The following PRSS41 variants were observed in gnomAD, a reference collection of about 807,000 sequenced individuals.
PRSS41 encodes protease, serine 41.
In PRSS41, 37 loss-of-function variants were observed where a neutral mutation model predicts 28.8. The observed-to-expected ratio is 1.29, with a 90% CI of 0.99 to 1.69. PRSS41 has a LOEUF of 1.69. Among genes scored for constraint, PRSS41 ranks in the 40% most tolerant of loss-of-function variants. PRSS41 has a pLI of 0.00. For synonymous variants in PRSS41, 195 were observed against 163.1 expected, an observed-to-expected ratio of 1.20 and a Z score of -1.49; for missense variants, 431 against 400.7, an observed-to-expected ratio of 1.08 and a Z score of -0.65.
At chr16:2,802,421 C>T (rs1246750913) in intron 4 of PRSS41, among the ~76,000 whole-genome samples, 1 of 151,668 alleles carries the variant, frequency 6.6e-6, no homozygotes, top group Non-Finnish European at 1.5e-5. Flanking sequence ...CAGAGGGGCT[C>T]CTCACATCCC....
rs1483245757 is a variant in PRSS41 at position 2,798,976 on chromosome 16, G to T, written c.109G>T (p.Glu37Ter). 3 of 1,532,558 alleles carry T rather than the reference G, an allele frequency of 2.0e-6. No homozygotes were observed. Among genetic ancestry groups the T allele is most frequent in the African/African-American group, 1.4e-5 (1 of 72,876 alleles). The allele number at this position is 1,532,558 out of a possible 1,614,324, so 94.9% of individuals were successfully genotyped here. A position where few individuals can be genotyped will look rare whatever the true frequency, so the allele number is the denominator to read the frequency against. ...CATCCCAGAGGCCTGCGGCCACCGG[G>T]AAATTCACGCGCTGGTGGCGGGCGG... The change falls in exon 3 of 6, where the codon GAA becomes TAA. Residue 37 changes from glutamate (E) to a stop codon, truncating the protein, a stop_gained. Coordinates refer to ENST00000399677, the Ensembl canonical transcript of PRSS41. LOFTEE classifies it high-confidence loss of function.
exon 4 of PRSS41, chr16:2,799,521 C>T (rs1196201478): frequency 3.2e-6 from 5 of 1,551,862 alleles, no homozygotes; most frequent in Admixed American, 3.9e-5. Context: ...CTTCGTGCAC[C>T]GGCCGGACTG....
intron 4 of PRSS41, among the ~76,000 whole-genome samples, chr16:2,800,542 C>CAAAAAA (rs56393015): frequency 1.2e-5 from 1 of 81,942 alleles, no homozygotes; most frequent in Non-Finnish European, 2.7e-5. Context: ...GACTCCATCT[C>CAAAAAA]AAAAAAAAAA....
At chr16:2,804,458 A>G in exon 5 of PRSS41, 1 of 1,551,552 alleles carries the variant, frequency 6.4e-7, no homozygotes, top group Non-Finnish European at 8.7e-7. Flanking sequence ...AGGTGTAATT[A>G]CCTGTTTGAA....
chr16:2,801,472 G>T (rs1444238849), intron 4 of PRSS41, among the ~76,000 whole-genome samples: 1 of 150,852 alleles, frequency 6.6e-6, no homozygotes, highest in Non-Finnish European at 1.5e-5. Flanking sequence ...GTTTTCCTAG[G>T]CAGAGGACCC....
At chr16:2,804,723 T>C (rs771238944) in intron 5 of PRSS41, among the ~76,000 whole-genome samples, 177 bp downstream of exon 5, 8 of 152,340 alleles carry the variant, frequency 5.3e-5, no homozygotes, top group South Asian at 4.1e-4. Context: ...AAATTCTGCC[T>C]ACACTGATTA....
chr16:2,803,886 T>C (rs1421612751), intron 4 of PRSS41, among the ~76,000 whole-genome samples: 2 of 152,232 alleles, frequency 1.3e-5, no homozygotes, highest in South Asian at 2.1e-4. Context: ...TCCATGTTCA[T>C]AAGACTCTCC....
chr16:2,802,730 G>C (rs1433783237), intron 4 of PRSS41, among the ~76,000 whole-genome samples: 4 of 152,236 alleles, frequency 2.6e-5, no homozygotes, highest in Non-Finnish European at 4.4e-5. Flanking sequence ...AACCAGTCAG[G>C]CATGGCGGCG....
At chr16:2,799,148 C>T (rs1266682706) in intron 3 of PRSS41, 24 bp downstream of exon 3, 2 of 1,506,738 alleles carry the variant, frequency 1.3e-6, no homozygotes, top group East Asian at 2.5e-5. Flanking sequence ...GCGGCCGGGG[C>T]CTCAGACTTG....
In PRSS41 at chr16:2,802,004, T is replaced by C. The variant is rs1706106065; in HGVS notation, c.542-2385T>C. Among the ~76,000 whole-genome samples, 5 of 146,818 alleles carry C rather than the reference T, an allele frequency of 3.4e-5. No individual in the cohort carries two copies. In the South Asian group the frequency reaches 1.1e-3, roughly 31 times the overall value. Reference sequence around the variant, plus strand: ...CCACCTCCCTCCCGGACGGGGCGGCTGGCCGGGCGTGGGGCTGACCCCCCC... The same window carrying C: ...CCACCTCCCTCCCGGACGGGGCGGCCGGCCGGGCGTGGGGCTGACCCCCCC... On this transcript the variant is annotated intron_variant, in intron 4 of 5. Coordinates refer to ENST00000399677, the Ensembl canonical transcript of PRSS41.
exon 1 of PRSS41, chr16:2,798,501 C>A: frequency 7.6e-7 from 1 of 1,307,598 alleles, no homozygotes; most frequent in Non-Finnish European, 1.1e-6. Flanking sequence ...GCGCGCGGGG[C>A]GCTGCTGCTG....
chr16:2,801,950 G>A (rs1216986368), intron 4 of PRSS41, among the ~76,000 whole-genome samples: 4 of 148,148 alleles, frequency 2.7e-5, no homozygotes, highest in East Asian at 2.1e-4. Context: ...CCCGGACGGG[G>A]CGGCTGGCCG....
chr16:2,798,907 T>TGC, intron 2 of PRSS41, 52 bp from the exon 3 acceptor site: 1 of 1,431,094 alleles, frequency 7.0e-7, no homozygotes, highest in Non-Finnish European at 9.3e-7. Context: ...AGGGCGGGCC[T>TGC]GCCCACCCCA....
At chr16:2,799,083 C>T (rs958116505) in exon 3 of PRSS41, 13 of 1,533,306 alleles carry the variant, frequency 8.5e-6, no homozygotes, top group Non-Finnish European at 9.6e-6. Context: ...GGAGCCTGCT[C>T]AGCCGCCGCT....
intron 4 of PRSS41, 101 bp downstream of exon 4, chr16:2,799,670 T>C (rs1477502755): frequency 7.9e-7 from 1 of 1,273,444 alleles, no homozygotes; most frequent in African/African-American, 1.5e-5. Flanking sequence ...CCCTCCTTGG[T>C]CTGGGGCTGC....
chr16:2,803,393 C>T (rs921815362), intron 4 of PRSS41, among the ~76,000 whole-genome samples: 2 of 152,082 alleles, frequency 1.3e-5, no homozygotes, highest in African/African-American at 4.8e-5. Flanking sequence ...TAATAACCTA[C>T]TTTGAATTTA....
chr16:2,800,595 C>T (rs2068979773), intron 4 of PRSS41, among the ~76,000 whole-genome samples: 1 of 150,622 alleles, frequency 6.6e-6, no homozygotes, highest in African/African-American at 2.4e-5. Context: ...GCCCTAGGCA[C>T]TTACCATTAG....
exon 5 of PRSS41, chr16:2,804,497 A>G (rs771641097): frequency 5.2e-5 from 81 of 1,551,378 alleles, no homozygotes; most frequent in Non-Finnish European, 6.3e-5. Context: ...ATGATCTGGG[A>G]TTCCATGTTT....
chr16:2,804,539 C>G, exon 5 of PRSS41: 1 of 1,550,630 alleles, frequency 6.4e-7, no homozygotes, highest in Non-Finnish European at 8.7e-7. Flanking sequence ...AGTGTAGACA[C>G]CTGCAAAGTG....
Sources: gnomAD v4.1 joint callset for allele counts (sites outside exome capture counted in the v4.1 genomes callset) on GRCh38, gnomAD v4.1.1 for gene constraint, MANE v1.5 for transcripts, NCBI Gene and HGNC (gene_info 2026-07-23, HGNC 2026-07-21) for gene names.